RNF32: variants seen among roughly 807,000 people sequenced by gnomAD.
The protein encoded by RNF32 is ring finger protein 32.
RNF32 carries 36 observed loss-of-function variants against 41.0 expected under a neutral mutation model. The ratio of observed to expected loss-of-function variants is 0.88; its 90% CI spans 0.67 to 1.16. The LOEUF is 1.16. Ranked by LOEUF, RNF32 falls within the 50% of genes most tolerant of loss-of-function variation. RNF32 has a pLI of 0.00. For missense variants in RNF32, 413 were observed against 436.7 expected, an observed-to-expected ratio of 0.95 and a Z score of 0.48; for synonymous variants, 154 against 160.9, an observed-to-expected ratio of 0.96 and a Z score of 0.32.
chr7:156,653,871 G>A (rs555829866), intron 3 of RNF32, among the ~76,000 whole-genome samples: 1 of 152,346 alleles, frequency 6.6e-6, no homozygotes, highest in South Asian at 2.1e-4. Context: ...GGCAGAGCAA[G>A]GTGAGCTGGG....
chr7:156,660,561 C>T (rs1421791849), intron 7 of RNF32, among the ~76,000 whole-genome samples: 3 of 152,142 alleles, frequency 2.0e-5, no homozygotes, highest in Non-Finnish European at 4.4e-5. Context: ...ATTGCCCAGG[C>T]TGGCCTCAAA....
chr7:156,662,933 C>T (rs897912007), intron 7 of RNF32, among the ~76,000 whole-genome samples: 2 of 151,332 alleles, frequency 1.3e-5, no homozygotes, highest in Admixed American at 1.3e-4. Context: ...CTGCAACCTC[C>T]GCCTCCCAGG....
At chr7:156,661,680 G>A (rs776711074) in intron 7 of RNF32, among the ~76,000 whole-genome samples, 4 of 152,274 alleles carry the variant, frequency 2.6e-5, no homozygotes, top group Non-Finnish European at 2.9e-5. Flanking sequence ...TAACAGAAAC[G>A]TAACTTTCGC....
intron 3 of RNF32, among the ~76,000 whole-genome samples, chr7:156,652,286 G>A (rs926363568): frequency 9.9e-5 from 15 of 151,874 alleles, no homozygotes; most frequent in South Asian, 2.1e-4. Context: ...TTCTGTCTCC[G>A]AGATTCTCAC....
rs1174818586 is a variant in RNF32, at chr7:156,669,249, T to C, written c.685-6447T>C. The C allele has an allele frequency of 6.6e-6, 1 of 151,998 alleles. No individual in the cohort carries two copies. Among genetic ancestry groups the C allele is most frequent in the Non-Finnish European group, 1.5e-5 (1 of 68,008 alleles). 9.4% of individuals were successfully genotyped at this position (151,998 alleles called of 1,614,324 possible). On this transcript the variant is annotated intron_variant, in intron 7 of 8. Transcript: ENST00000317955. This position sits in a 1 kb window ranked among gnomAD's most constrained non-coding sequence, Gnocchi z 4.2. The stretch of plus-strand genomic sequence containing the variant: ...TAGGTGCATGTGGAGGCCGCTCGGG[T>C]GGTTCGCGCCTGCTGCAGGGCACGC...
At chr7:156,659,466 G>A in intron 7 of RNF32, 1 of 985,284 alleles carries the variant, frequency 1.0e-6, no homozygotes, top group South Asian at 4.7e-5. Context: ...ATTCTTTCCA[G>A]TTTTTTATCT....
chr7:156,640,261 G>A (rs79924697), upstream of RNF32: 45,566 of 447,906 alleles, frequency 0.1, 2,827 homozygotes, highest in East Asian at 0.27. Context: ...GCAGCGAAGG[G>A]GCGGTGCGCT....
At chr7:156,665,655 G>A (rs148041701) in intron 7 of RNF32, among the ~76,000 whole-genome samples, 78 of 152,024 alleles carry the variant, frequency 5.1e-4, no homozygotes, top group Middle Eastern at 3.4e-3. Flanking sequence ...TTAAAGGTAC[G>A]TCAGCGTCAG....
chr7:156,656,806 C>T (rs975250465), intron 4 of RNF32, among the ~76,000 whole-genome samples: 1 of 152,244 alleles, frequency 6.6e-6, no homozygotes, highest in Non-Finnish European at 1.5e-5. Context: ...CTGCTTTCCT[C>T]CCCGTTGCTG....
intron 7 of RNF32, chr7:156,658,968 A>G (rs1800173220): frequency 6.6e-7 from 1 of 1,515,220 alleles, no homozygotes; most frequent in Non-Finnish European, 8.8e-7. Flanking sequence ...CTGCCTATAA[A>G]AATAAAGCCC....
intron 7 of RNF32, chr7:156,660,371 G>GT (rs1253638828): frequency 2.3e-6 from 2 of 881,568 alleles, no homozygotes; most frequent in Admixed American, 6.2e-5. Flanking sequence ...TACAAATGTG[G>GT]TTTTTCCTTT....
intron 7 of RNF32, among the ~76,000 whole-genome samples, chr7:156,660,887 A>C (rs895698568): frequency 2.6e-5 from 4 of 152,226 alleles, no homozygotes; most frequent in African/African-American, 9.6e-5. Flanking sequence ...CAGTCAGTAC[A>C]TGGAAGTTAT....
chr7:156,655,375 G>A (rs1407891825), intron 4 of RNF32, among the ~76,000 whole-genome samples: 2 of 152,114 alleles, frequency 1.3e-5, no homozygotes, highest in African/African-American at 4.8e-5. Flanking sequence ...CCCTGAAGTT[G>A]GGGACACTTA....
At chr7:156,648,747 CTTG>C (rs1798309835) in intron 3 of RNF32, among the ~76,000 whole-genome samples, 1 of 152,154 alleles carries the variant, frequency 6.6e-6, no homozygotes, top group South Asian at 2.1e-4. Flanking sequence ...ATAGTAATCT[CTTG>C]TTGATTTAGC....
At chr7:156,640,704 A>G, upstream of RNF32, 1 of 281,194 alleles carries the variant, frequency 3.6e-6, no homozygotes, top group Non-Finnish European at 6.9e-6. Context: ...GCCCGCGGGG[A>G]GCGAGCGCGG....
At chr7:156,640,510 C>G (rs1157367008), upstream of RNF32, 10 of 357,244 alleles carry the variant, frequency 2.8e-5, no homozygotes, top group South Asian at 1.0e-4. Flanking sequence ...AAAACGCCCG[C>G]TGCGCGAGCC....
intron 7 of RNF32, among the ~76,000 whole-genome samples, chr7:156,663,956 A>G (rs1033467662): frequency 6.6e-6 from 1 of 152,226 alleles, no homozygotes; most frequent in African/African-American, 2.4e-5. Context: ...CATGAAATTA[A>G]TGGAGTCAAA....
intron 3 of RNF32, among the ~76,000 whole-genome samples, chr7:156,652,025 G>C (rs1261634768): frequency 3.7e-4 from 56 of 152,268 alleles, no homozygotes; most frequent in Admixed American, 3.6e-3. Context: ...TTCCCTCGTA[G>C]TGGCGACGCT....
chr7:156,657,349 A>G (rs1799856918), intron 4 of RNF32, 192 bp from the exon 5 acceptor site: 2 of 586,344 alleles, frequency 3.4e-6, no homozygotes, highest in East Asian at 5.7e-5. Context: ...TCAGATCATG[A>G]ATTTTTGTTA....
Sources: gnomAD v4.1 joint callset for allele counts (sites outside exome capture counted in the v4.1 genomes callset) on GRCh38, gnomAD v4.1.1 for gene constraint, Gnocchi (gnomAD v3.1) non-coding constraint, MANE v1.5 for transcripts, NCBI Gene and HGNC (gene_info 2026-07-23, HGNC 2026-07-21) for gene names.